The following ARHGEF18 variants were observed in gnomAD, a reference collection of about 807,000 sequenced individuals.
ARHGEF18 encodes the protein Rho/Rac guanine nucleotide exchange factor 18.
ARHGEF18 carries 93 observed loss-of-function variants against 155.7 expected under a neutral mutation model. The observed-to-expected ratio is 0.60, with a 90% CI of 0.50 to 0.71. The LOEUF (loss-of-function observed/expected upper bound fraction) is 0.71. Ranked by LOEUF, ARHGEF18 falls within the 30% of genes least tolerant of loss-of-function variation. ARHGEF18 has a pLI of 0.00. For synonymous variants in ARHGEF18, 742 were observed against 753.1 expected, an observed-to-expected ratio of 0.99 and a Z score of 0.24; for missense variants, 1,593 against 1,816.1, an observed-to-expected ratio of 0.88 and a Z score of 2.23.
Position 7,440,438 on chromosome 19 carries a change from T to G in ARHGEF18, c.1062T>G (p.Gly354=), listed in dbSNP as rs1373240588. 1 of 1,601,142 alleles carries G rather than the reference T, an allele frequency of 6.2e-7. No homozygotes were observed. Among genetic ancestry groups the G allele is most frequent in the Non-Finnish European group, 8.5e-7 (1 of 1,179,746 alleles). The change falls in exon 11 of 29, where the codon GGT becomes GGG. Residue 354 remains glycine (G), a synonymous_variant. Transcript: ENST00000668164. The surrounding 1 kb of genome is among the most constrained non-coding windows in gnomAD (Gnocchi z 5.4). ...GTATGACGGTCTCTCAGAAAGGGGG[T>G]CCCCAGCCAACACCGAGCCCGGCTG... is the stretch of plus-strand genomic sequence containing the variant. The part of the protein sequence containing the change: ...NVGMTVSQKG[G]PQPTPSPAGP...
At chr19:7,355,799 C>A in intron 1 of ARHGEF18, 1 of 789,742 alleles carries the variant, frequency 1.3e-6, no homozygotes, top group Non-Finnish European at 1.5e-6. Flanking sequence ...TTCTTGGCTG[C>A]AGTACAGACT....
Position 7,440,077 on chromosome 19 carries a change from C to A in ARHGEF18, c.968-267C>A, listed in dbSNP as rs368141054. 30 of 1,550,380 alleles carry A rather than the reference C, an allele frequency of 1.9e-5. No individual in the cohort carries two copies. Among genetic ancestry groups the A allele is most frequent in the Non-Finnish European group, 1.4e-5 (16 of 1,146,590 alleles). ...GGCGCAGCCCAGCCTGGCGCCGCGCCGGGTCCCGGAGCCCCGGGCGCGAAC... is the reference window on the plus strand; with the variant it reads ...GGCGCAGCCCAGCCTGGCGCCGCGCAGGGTCCCGGAGCCCCGGGCGCGAAC... On this transcript the variant is annotated intron_variant, in intron 10 of 28. Transcript: ENST00000668164. This position sits in a 1 kb window ranked among gnomAD's most constrained non-coding sequence, Gnocchi z 5.4.
In ARHGEF18 at chr19:7,440,627, A is replaced by G; in HGVS notation, c.1106+145A>G. The G allele has an allele frequency of 1.7e-6, 2 of 1,171,868 alleles. No individual in the cohort carries two copies. The highest frequency in any genetic ancestry group is 2.3e-6 in the Non-Finnish European group (2 of 859,380). The allele number at this position is 1,171,868 out of a possible 1,614,324, so 72.6% of individuals were successfully genotyped here. The stretch of plus-strand genomic sequence containing the variant: ...GTGCTAAGCAGAGAAATTCCCATTA[A>G]CGCTTGCTTCCAGGATCCACGCCTT... On this transcript the variant is annotated intron_variant, in intron 11 of 28. Transcript: ENST00000668164. This position sits in a 1 kb window ranked among gnomAD's most constrained non-coding sequence, Gnocchi z 5.4.
In ARHGEF18 at chr19:7,452,858, T is replaced by G. The variant is rs568943140; in HGVS notation, c.1856-609T>G. ...GTCATGGCAGTTTTGCCACTTGAAT[T>G]GCACCTTAGCTTCTGCATTCGATAG... On this transcript the variant is annotated intron_variant, in intron 16 of 28. Transcript: ENST00000668164. Among the ~76,000 whole-genome samples the G allele has an allele frequency of 7.2e-5, 11 of 151,960 alleles. No individual in the cohort carries two copies. The South Asian group carries it at 2.3e-3, about 32-fold the overall frequency.
At chr19:7,454,314 G>A (rs2075791744) in intron 17 of ARHGEF18, among the ~76,000 whole-genome samples, 1 of 152,032 alleles carries the variant, frequency 6.6e-6, no homozygotes, top group African/African-American at 2.4e-5. Context: ...AGATCACTGG[G>A]TGCCTCTTGG....
chr19:7,468,739 G>A (rs879541821), intron 26 of ARHGEF18, 86 bp from the exon 27 acceptor site: 49 of 1,376,522 alleles, frequency 3.6e-5, no homozygotes, highest in Non-Finnish European at 4.7e-5. Flanking sequence ...AGAGGTCGAG[G>A]GTCTCCTGTG....
chr19:7,378,282 T>C (rs1453978019), intron 5 of ARHGEF18, 112 bp from the exon 6 acceptor site: 1 of 716,016 alleles, frequency 1.4e-6, no homozygotes, highest in African/African-American at 1.8e-5. Flanking sequence ...CCTGTCTGCA[T>C]GGCCTCCAGT....
intron 10 of ARHGEF18, among the ~76,000 whole-genome samples, chr19:7,415,223 A>C (rs1383900283): frequency 6.6e-6 from 1 of 151,642 alleles, no homozygotes; most frequent in East Asian, 1.9e-4. Context: ...GCTCCTGGGC[A>C]CTCCTGGGTT....
chr19:7,435,187 G>A (rs1001353858), intron 10 of ARHGEF18, among the ~76,000 whole-genome samples: 18 of 151,554 alleles, frequency 1.2e-4, no homozygotes, highest in African/African-American at 3.9e-4. Context: ...GTGACAGAGC[G>A]AGACTCCATC....
chr19:7,412,718 G>A (rs989641739), intron 10 of ARHGEF18, among the ~76,000 whole-genome samples: 9 of 150,718 alleles, frequency 6.0e-5, no homozygotes, highest in African/African-American at 2.2e-4. Context: ...CTGGAGCCTG[G>A]GTGACAGAGC....
At chr19:7,439,995 A>G in intron 10 of ARHGEF18, 1 of 1,549,402 alleles carries the variant, frequency 6.5e-7, no homozygotes, top group Non-Finnish European at 8.7e-7. Flanking sequence ...TTCAGCCAAT[A>G]CAGCAAGGGA....
chr19:7,364,841 C>G (rs557381851), intron 2 of ARHGEF18, among the ~76,000 whole-genome samples: 67 of 152,232 alleles, frequency 4.4e-4, no homozygotes, highest in African/African-American at 1.6e-3. Flanking sequence ...GGGACCAAGA[C>G]AGTCAGGTGG....
chr19:7,450,100 C>T (rs1341888959), intron 15 of ARHGEF18, among the ~76,000 whole-genome samples: 1 of 149,912 alleles, frequency 6.7e-6, no homozygotes, highest in Admixed American at 6.7e-5. Flanking sequence ...CCAGCCTTGG[C>T]AGCCGATTGT....
rs537483557 is a variant in ARHGEF18 at position 7,450,736 on chromosome 19, C to T, written c.1738-413C>T. 3.9e-5 allele frequency among the ~76,000 whole-genome samples: 6 copies of T among 152,306 alleles called. No homozygotes were observed. In the East Asian group the frequency reaches 1.2e-3, roughly 29 times the overall value. On this transcript the variant is annotated intron_variant, in intron 15 of 28. Transcript: ENST00000668164. The stretch of plus-strand genomic sequence containing the variant: ...TAATGCAAGATCTTGCTTTCCGTTT[C>T]CGAGATGTTAATGCGGGATCTTGCT...
At chr19:7,367,459 A>C (rs576316346) in intron 2 of ARHGEF18, among the ~76,000 whole-genome samples, 1 of 151,990 alleles carries the variant, frequency 6.6e-6, no homozygotes, top group African/African-American at 2.4e-5. Context: ...AAAAAATACT[A>C]GCTGGGGCCG....
Position 7,462,339 on chromosome 19 carries a change from G to T in ARHGEF18, c.2635+5G>T. ...TCAAGTCGGCCATGAGCGAGAGTAA[G>T]TTGGCTGCCCACACCTCAAGGGTGC... is the stretch of plus-strand genomic sequence containing the variant. On this transcript the variant is annotated splice_donor_5th_base_variant and intron_variant, in intron 21 of 28. Transcript: ENST00000668164. The surrounding 1 kb of genome is among the most constrained non-coding windows in gnomAD (Gnocchi z 4.4). 6.3e-7 allele frequency: 1 copy of T among 1,581,112 alleles called. No individual in the cohort carries two copies. Among genetic ancestry groups the T allele is most frequent in the Non-Finnish European group, 8.6e-7 (1 of 1,164,670 alleles).
chr19:7,463,993 C>G lies in ARHGEF18; in HGVS notation c.2773+38C>G. On this transcript the variant is annotated intron_variant, in intron 22 of 28. Coordinates refer to ENST00000668164, the MANE Select transcript of ARHGEF18 (RefSeq NM_001367823.1). This position sits in a 1 kb window ranked among gnomAD's most constrained non-coding sequence, Gnocchi z 5.2. The stretch of plus-strand genomic sequence containing the variant: ...CCGTCTCCCCTCCTGCCTCCAGGGC[C>G]GCCCCTCAGGATGCACATTAACTTG... The G allele has an allele frequency of 6.5e-7, 1 of 1,538,122 alleles. No homozygotes were observed. Among genetic ancestry groups the G allele is most frequent in the African/African-American group, 1.4e-5 (1 of 72,476 alleles).
At chr19:7,387,398 C>T (rs946980201) in intron 10 of ARHGEF18, among the ~76,000 whole-genome samples, 5 of 151,990 alleles carry the variant, frequency 3.3e-5, no homozygotes, top group Non-Finnish European at 5.9e-5. Flanking sequence ...GTGATCTGCC[C>T]GTCTCGGTCT....
chr19:7,363,682 T>C (rs1472705614), intron 2 of ARHGEF18, among the ~76,000 whole-genome samples: 2 of 148,498 alleles, frequency 1.3e-5, no homozygotes, highest in African/African-American at 5.0e-5. Flanking sequence ...GGTGAGTGGA[T>C]GGATGAGAAG....
Sources: allele counts gnomAD v4.1 joint callset (sites outside exome capture counted in the v4.1 genomes callset), GRCh38; gene constraint gnomAD v4.1.1; non-coding constraint Gnocchi (gnomAD v3.1); transcripts MANE v1.5; gene names NCBI Gene and HGNC (gene_info 2026-07-23, HGNC 2026-07-21).